RP1: variants seen among roughly 807,000 people sequenced by gnomAD.
RP1 encodes oxygen-regulated protein 1.
Under a neutral mutation model 14.8 loss-of-function variants are expected in RP1, and 16 were observed. That is an observed-to-expected ratio of 1.08 (90% CI 0.73 to 1.65). The LOEUF is 1.65. Among genes scored for constraint, RP1 ranks in the 40% most tolerant of loss-of-function variants. The pLI, the probability that RP1 is intolerant of heterozygous loss-of-function variation, is 0.00. For synonymous variants in RP1, 876 were observed against 883.6 expected, an observed-to-expected ratio of 0.99 and a Z score of 0.15; for missense variants, 2,631 against 2,535.0, an observed-to-expected ratio of 1.04 and a Z score of -0.81.
intron 1 of RP1, among the ~76,000 whole-genome samples, chr8:54,618,865 T>A (rs1805789625): frequency 6.6e-6 from 1 of 152,208 alleles, no homozygotes. Context: ...TTCACCATGT[T>A]GGCCAGGCTG....
chr8:54,847,085 A>G (rs1198717031), intron 25 of RP1, among the ~76,000 whole-genome samples: 1 of 152,100 alleles, frequency 6.6e-6, no homozygotes, highest in African/African-American at 2.4e-5. Flanking sequence ...TCCAACCCTC[A>G]GCATCTGCTG....
At chr8:54,621,784 C>G (rs892831295) in intron 2 of RP1, among the ~76,000 whole-genome samples, 5 of 152,104 alleles carry the variant, frequency 3.3e-5, no homozygotes, top group African/African-American at 9.7e-5. Context: ...TGCTACCTAC[C>G]CCTTTCTCTC....
chr8:54,791,802 G>C (rs2129384805), intron 24 of RP1, among the ~76,000 whole-genome samples: 1 of 152,118 alleles, frequency 6.6e-6, no homozygotes, highest in East Asian at 1.9e-4. Flanking sequence ...AGGAAGAAAG[G>C]AGTAAAGGAA....
rs957409930 is a variant in RP1, at chr8:54,783,581, T to C, written c.3486T>C (p.Asp1162=). ...GGAAGGTGACCATTGTCACTGGGGA[T>C]CTTGAAAATGCCGGCACCACGGCAA... is the stretch of plus-strand genomic sequence containing the variant. The change falls in exon 24 of 29, where the codon GAT becomes GAC. Residue 1162 remains aspartate, a synonymous_variant. Coordinates refer to the RP1 transcript ENST00000637698. 1.1e-5 allele frequency: 13 copies of C among 1,231,592 alleles called. No individual in the cohort carries two copies. The Admixed American group carries it at 3.4e-4, about 32-fold the overall frequency. The allele number at this position is 1,231,592 out of a possible 1,614,324, so 76.3% of individuals were successfully genotyped here.
exon 25 of RP1, chr8:54,837,664 T>G (rs1811693126): frequency 8.1e-7 from 1 of 1,227,872 alleles, no homozygotes; most frequent in Non-Finnish European, 1.0e-6. Flanking sequence ...AAAGCACCTT[T>G]GCCAGGTATA....
rs1563331446 is a variant in RP1, at chr8:54,627,247, G to A, written c.3365G>A (p.Cys1122Tyr). The change falls in exon 4 of 4, where the codon TGT becomes TAT. Residue 1122 changes from cysteine to tyrosine, a missense_variant. Coordinates refer to ENST00000220676, the MANE Select transcript of RP1 (RefSeq NM_006269.2). ...LAGVPFHSAI[C>Y]NSSTNLLLAW... is the part of the protein sequence containing the mutation. The stretch of plus-strand genomic sequence containing the variant: ...GGTGTTCCCTTTCATTCTGCAATAT[G>A]TAATTCATCCACTAATCTCCTTCTA... 1 of 1,614,046 alleles carries A rather than the reference G, an allele frequency of 6.2e-7. No homozygotes were observed. The highest frequency in any genetic ancestry group is 8.5e-7 in the Non-Finnish European group (1 of 1,179,980).
At chr8:54,848,856 C>A (rs557414089) in intron 25 of RP1, among the ~76,000 whole-genome samples, 1 of 152,288 alleles carries the variant, frequency 6.6e-6, no homozygotes, top group East Asian at 1.9e-4. Context: ...TCAAGCTATT[C>A]TCCCACCTCA....
chr8:54,795,758 T>A (rs1313081889), intron 24 of RP1, among the ~76,000 whole-genome samples: 1 of 152,162 alleles, frequency 6.6e-6, no homozygotes, highest in Admixed American at 6.5e-5. Flanking sequence ...TCTCTCAAAA[T>A]TGTGACCCAT....
At chr8:54,605,777 C>T (rs1322209668) in intron 1 of RP1, among the ~76,000 whole-genome samples, 3 of 152,110 alleles carry the variant, frequency 2.0e-5, no homozygotes, top group Non-Finnish European at 4.4e-5. Context: ...TGAATTGATC[C>T]CTTTACCATT....
chr8:54,858,207 G>C (rs987504138), intron 27 of RP1, among the ~76,000 whole-genome samples: 5 of 152,188 alleles, frequency 3.3e-5, no homozygotes, highest in African/African-American at 1.2e-4. Flanking sequence ...TGGAGCAGAA[G>C]CAGAAAAGGT....
chr8:54,852,631 C>T (rs989566246), exon 26 of RP1: 27 of 1,231,858 alleles, frequency 2.2e-5, no homozygotes, highest in Non-Finnish European at 2.7e-5. Flanking sequence ...GAAACAGAGT[C>T]TAATGTATTT....
At chr8:54,831,763 A>G (rs1210989893) in intron 24 of RP1, among the ~76,000 whole-genome samples, 3 of 151,670 alleles carry the variant, frequency 2.0e-5, no homozygotes, top group Admixed American at 2.0e-4. Flanking sequence ...CTTTTTTGCT[A>G]TACATTTACA....
In RP1 at chr8:54,689,947, T is replaced by C. The variant is rs574847080; in HGVS notation, c.1718-9520T>C. Among the ~76,000 whole-genome samples the C allele has an allele frequency of 1.0e-3, 155 of 152,200 alleles. 3 individuals are homozygous for C. Among genetic ancestry groups the C allele is most frequent in the Non-Finnish European group, 5.9e-5 (4 of 67,988 alleles). ...AAAGAGAATTATTTCATAGGGGATA[T>C]AGCTTCTTAAATCTTCTTTGCACTT... is the stretch of plus-strand genomic sequence containing the variant. On this transcript the variant is annotated intron_variant, in intron 12 of 22. Transcript: ENST00000636932.
At chr8:54,784,043 T>C (rs1286939254) in intron 24 of RP1, among the ~76,000 whole-genome samples, 1 of 152,190 alleles carries the variant, frequency 6.6e-6, no homozygotes, top group East Asian at 1.9e-4. Context: ...TCAGTCTTTG[T>C]TCATACCCAT....
At chr8:54,611,927 C>T (rs1364726066), upstream of RP1, among the ~76,000 whole-genome samples, 2 of 150,294 alleles carry the variant, frequency 1.3e-5, no homozygotes, top group Admixed American at 6.6e-5. Context: ...TCCCCCCTGC[C>T]CCCCAACCTT....
intron 15 of RP1, among the ~76,000 whole-genome samples, chr8:54,712,494 A>G (rs1028783822): frequency 3.9e-5 from 6 of 152,134 alleles, no homozygotes; most frequent in African/African-American, 1.4e-4. Context: ...CCTGTGGGTC[A>G]CCAGTTGTTT....
At position 54,627,671 on chromosome 8, in the gene RP1, T is replaced by C; in HGVS notation, c.3789T>C (p.Thr1263=). 6.2e-7 allele frequency: 1 copy of C among 1,614,208 alleles called. No homozygotes were observed. Among genetic ancestry groups the C allele is most frequent in the Non-Finnish European group, 8.5e-7 (1 of 1,179,996 alleles). ...CTTGCTCTCCATGTGAGATGTGCAC[T>C]GTAAATAAGGCTTATTCTCCAAAAG... is the stretch of plus-strand genomic sequence containing the variant. ...EVTCSPCEMC[T]VNKAYSPKET... Residue 1263 remains threonine, a synonymous_variant, in exon 4 of 4, where the codon ACT becomes ACC. Coordinates refer to ENST00000220676, the MANE Select transcript of RP1 (RefSeq NM_006269.2).
chr8:54,741,200 T>C (rs896342385), intron 19 of RP1, among the ~76,000 whole-genome samples: 1 of 152,186 alleles, frequency 6.6e-6, no homozygotes, highest in Non-Finnish European at 1.5e-5. Flanking sequence ...AAATATTTTT[T>C]ATGAATTTAG....
intron 25 of RP1, among the ~76,000 whole-genome samples, chr8:54,848,863 C>T (rs917940869): frequency 2.0e-5 from 3 of 152,164 alleles, no homozygotes; most frequent in Non-Finnish European, 4.4e-5. Flanking sequence ...ATTCTCCCAC[C>T]TCAGCCTCCC....
Sources: gnomAD v4.1 joint callset for allele counts (sites outside exome capture counted in the v4.1 genomes callset) on GRCh38, gnomAD v4.1.1 for gene constraint, MANE v1.5 for transcripts, NCBI Gene and HGNC (gene_info 2026-07-23, HGNC 2026-07-21) for gene names.